The following SH3TC1 variants were observed in gnomAD, a reference collection of about 807,000 sequenced individuals.
SH3TC1 encodes the protein SH3 domain and tetratricopeptide repeat-containing protein 1.
Under a neutral mutation model 117.3 loss-of-function variants are expected in SH3TC1, and 135 were observed. The observed-to-expected ratio is 1.15, with a 90% CI of 1.00 to 1.33. The LOEUF (loss-of-function observed/expected upper bound fraction) is 1.33. SH3TC1 is among the 40% of genes most tolerant of loss of function. The pLI is 0.00. For missense variants in SH3TC1, 2,092 were observed against 1,794.3 expected, an observed-to-expected ratio of 1.17 and a Z score of -3.00; for synonymous variants, 898 against 816.9, an observed-to-expected ratio of 1.10 and a Z score of -1.69.
Position 8,222,852 on chromosome 4 carries a change from G to T in SH3TC1, c.1125G>T (p.Ala375=). 1 of 1,611,426 alleles carries T rather than the reference G, an allele frequency of 6.2e-7. No homozygotes were observed. The highest frequency in any genetic ancestry group is 8.5e-7 in the Non-Finnish European group (1 of 1,177,754). Residue 375 remains alanine (A), a synonymous_variant, in exon 10 of 18, where the codon GCG becomes GCT. Coordinates refer to ENST00000245105, the MANE Select transcript of SH3TC1 (RefSeq NM_018986.5). ...TTATTTTTTCCAGGTTGGAAAGTGC[G>T]ATTTTTCTCAATGAGGAAGAAAAGT... is the stretch of plus-strand genomic sequence containing the variant. ...MQGPVSELES[A]IFLNEEEKSF... is the part of the protein sequence containing the mutation.
chr4:8,232,179 TGGGGGC>T, intron 13 of SH3TC1, 23 bp downstream of exon 13: 2 of 77,902 alleles, frequency 2.6e-5, no homozygotes, highest in Non-Finnish European at 3.7e-5. Flanking sequence ...TCTGTGGTGG[TGGGGGC>T]GGGGGGAGGG....
At chr4:8,232,474 G>C in intron 13 of SH3TC1, 1 of 1,448,910 alleles carries the variant, frequency 6.9e-7, no homozygotes, top group South Asian at 1.1e-5. Context: ...GGTGGCTTTT[G>C]TCATCTGACC....
At chr4:8,220,787 A>G (rs575051234) in intron 9 of SH3TC1, among the ~76,000 whole-genome samples, 105 of 152,268 alleles carry the variant, frequency 6.9e-4, no homozygotes, top group Middle Eastern at 6.8e-3. Flanking sequence ...ACCATGCCTC[A>G]TCAAGCCGTT....
Position 8,205,242 on chromosome 4 carries a change from G to C in SH3TC1, c.48G>C (p.Gly16=). Reference sequence around the variant, plus strand: ...CCACTGAGGAGCCGACCCCCATGGGGAGGGGTCCTGTGGGACCCTCAGGAG... The same window carrying C: ...CCACTGAGGAGCCGACCCCCATGGGCAGGGGTCCTGTGGGACCCTCAGGAG... The part of the protein sequence containing the change: ...AVTTEEPTPM[G]RGPVGPSGGG... The change falls in exon 2 of 18, where the codon GGG becomes GGC. Residue 16 remains glycine, a synonymous_variant. Transcript: ENST00000245105. The surrounding 1 kb of genome is among the most constrained non-coding windows in gnomAD (Gnocchi z 5.4). 6.5e-7 allele frequency: 1 copy of C among 1,550,026 alleles called. No homozygotes were observed. The highest frequency in any genetic ancestry group is 2.4e-5 in the East Asian group (1 of 40,952).
rs1301240100 is a variant in SH3TC1, at chr4:8,190,562, CT to C, written c.-57+8353del. On this transcript the variant is annotated intron_variant, in intron 1 of 16. Transcript: ENST00000508641. This position sits in a 1 kb window ranked among gnomAD's most constrained non-coding sequence, Gnocchi z 4.7. ...GTGTGCCCTCATCTGGGACCTTCTCCTCTGTGCACTCTCTCGGTCACCCACA... is the reference window on the plus strand; with the variant it reads ...GTGTGCCCTCATCTGGGACCTTCTCCCTGTGCACTCTCTCGGTCACCCACA... Among the ~76,000 whole-genome samples the C allele has an allele frequency of 6.6e-6, 1 of 152,236 alleles. No individual in the cohort carries two copies. Among genetic ancestry groups the C allele is most frequent in the East Asian group, 1.9e-4 (1 of 5,162 alleles).
chr4:8,197,696 G>C (rs1024220414), upstream of SH3TC1, among the ~76,000 whole-genome samples: 5 of 146,486 alleles, frequency 3.4e-5, no homozygotes, highest in African/African-American at 1.3e-4. Flanking sequence ...GCCTCACCTG[G>C]GCCATCCTCG....
At chr4:8,237,234 A>G (rs143621459) in intron 16 of SH3TC1, 2 of 417,288 alleles carry the variant, frequency 4.8e-6, no homozygotes, top group Non-Finnish European at 8.4e-6. Flanking sequence ...GCAGGTGGCT[A>G]TATGTAGGCA....
chr4:8,219,193 C>T (rs539958004), intron 8 of SH3TC1, 142 bp from the exon 9 acceptor site: 45 of 769,648 alleles, frequency 5.8e-5, no homozygotes, highest in East Asian at 2.0e-4. Flanking sequence ...TCCCTCATTG[C>T]GGAAACCAAG....
intron 14 of SH3TC1, among the ~76,000 whole-genome samples, chr4:8,234,884 T>C (rs1012157415): frequency 2.6e-5 from 4 of 152,218 alleles, no homozygotes; most frequent in Non-Finnish European, 5.9e-5. Flanking sequence ...AATGCATCTG[T>C]CATAGCAGCA....
At chr4:8,237,708 C>A in intron 17 of SH3TC1, 38 bp downstream of exon 17, 1 of 1,549,554 alleles carries the variant, frequency 6.5e-7, no homozygotes, top group Non-Finnish European at 8.7e-7. Context: ...TGTTCCCGGC[C>A]CCCTTGGAGT....
At position 8,222,946 on chromosome 4, in the gene SH3TC1, G is replaced by C. The variant is rs373317904; in HGVS notation, c.1219G>C (p.Asp407His). The change falls in exon 10 of 18, where the codon GAT becomes CAT. Residue 407 changes from aspartate (D) to histidine (H), a missense_variant. Coordinates refer to ENST00000245105, the MANE Select transcript of SH3TC1 (RefSeq NM_018986.5). ...GTTGCTGAGGCGGATGTCGGGCACCGATGTCTGCAGCGTGTACAGCCTGGG... is the reference window on the plus strand; with the variant it reads ...GTTGCTGAGGCGGATGTCGGGCACCCATGTCTGCAGCGTGTACAGCCTGGG... ...RQLLRRMSGT[D>H]VCSVYSLDSV... is the part of the protein sequence containing the mutation. 1.3e-5 allele frequency: 21 copies of C among 1,612,396 alleles called. No individual in the cohort carries two copies. Among genetic ancestry groups the C allele is most frequent in the Non-Finnish European group, 1.6e-5 (19 of 1,179,782 alleles).
chr4:8,201,137 G>T (rs56398014), intron 1 of SH3TC1, among the ~76,000 whole-genome samples: 16 of 152,110 alleles, frequency 1.1e-4, no homozygotes, highest in Non-Finnish European at 1.8e-4. Context: ...TATTTGTTCC[G>T]TAAGAGCCTG....
upstream of SH3TC1, among the ~76,000 whole-genome samples, chr4:8,199,125 C>T (rs963597139): frequency 2.0e-5 from 3 of 152,204 alleles, no homozygotes; most frequent in African/African-American, 4.8e-5. Context: ...GCCTGGACCT[C>T]GTCCAGGAAA....
At chr4:8,222,774 G>T in intron 9 of SH3TC1, 66 bp from the exon 10 acceptor site, 2 of 1,570,240 alleles carry the variant, frequency 1.3e-6, no homozygotes, top group Admixed American at 3.4e-5. Context: ...GAATGGAAAT[G>T]TGCTTAGTGT....
rs1717123405 is a variant in SH3TC1, at chr4:8,183,145, C to T, written c.-57+935C>T. ...CCATCCGCCTGGCGACCTTGCCTCC[C>T]TCTCCCGCTGGGGCTATAGAATGGT... On this transcript the variant is annotated intron_variant, in intron 1 of 16. Coordinates refer to the SH3TC1 transcript ENST00000508641. This position sits in a 1 kb window ranked among gnomAD's most constrained non-coding sequence, Gnocchi z 5.4. Among the ~76,000 whole-genome samples the T allele has an allele frequency of 6.6e-6, 1 of 152,172 alleles. No individual in the cohort carries two copies. Among genetic ancestry groups the T allele is most frequent in the Non-Finnish European group, 1.5e-5 (1 of 68,028 alleles).
At chr4:8,213,014 C>A in intron 4 of SH3TC1, 186 bp downstream of exon 4, 1 of 754,122 alleles carries the variant, frequency 1.3e-6, no homozygotes, top group Non-Finnish European at 2.1e-6. Flanking sequence ...TTGTTTCTCC[C>A]ACTTGCTTTG....
chr4:8,188,374 C>A (rs896193252), intron 1 of SH3TC1, among the ~76,000 whole-genome samples: 11 of 152,214 alleles, frequency 7.2e-5, no homozygotes, highest in African/African-American at 2.7e-4. Flanking sequence ...TGGGCAACAC[C>A]GCCTGCTGAC....
At chr4:8,239,371 G>T (rs760010236) in intron 17 of SH3TC1, among the ~76,000 whole-genome samples, 1 of 146,812 alleles carries the variant, frequency 6.8e-6, no homozygotes. Context: ...ACAGGCACAC[G>T]CACACACAGG....
At chr4:8,235,146 G>A (rs961464263) in intron 14 of SH3TC1, among the ~76,000 whole-genome samples, 2 of 152,232 alleles carry the variant, frequency 1.3e-5, no homozygotes, top group Non-Finnish European at 2.9e-5. Context: ...GGGCCATGGA[G>A]GCTGGTTTGA....
Sources: gnomAD v4.1 joint callset for allele counts (sites outside exome capture counted in the v4.1 genomes callset) on GRCh38, gnomAD v4.1.1 for gene constraint, Gnocchi (gnomAD v3.1) non-coding constraint, MANE v1.5 for transcripts, NCBI Gene and HGNC (gene_info 2026-07-23, HGNC 2026-07-21) for gene names.